LOC128462377: variants seen among roughly 807,000 people sequenced by gnomAD.
chr16:89,337,300 G>T, the LOC128462377 span, among the ~76,000 whole-genome samples: 4 of 151,848 alleles, frequency 2.6e-5, no homozygotes, highest in African/African-American at 9.7e-5. Flanking sequence ...ACTTCAGGTG[G>T]CTCGGAATCC....
At chr16:89,342,350 G>C in the LOC128462377 span, among the ~76,000 whole-genome samples, 1 of 152,266 alleles carries the variant, frequency 6.6e-6, no homozygotes, top group African/African-American at 2.4e-5. Context: ...CATTTCACCT[G>C]AGAGTCGGAA....
the LOC128462377 span, among the ~76,000 whole-genome samples, chr16:89,398,677 G>C: frequency 6.6e-6 from 1 of 152,176 alleles, no homozygotes; most frequent in Non-Finnish European, 1.5e-5. Flanking sequence ...GGGAGGTTGA[G>C]GCTGCAGTGA....
the LOC128462377 span, among the ~76,000 whole-genome samples, chr16:89,386,402 C>G: frequency 1.3e-5 from 2 of 152,282 alleles, no homozygotes; most frequent in East Asian, 3.9e-4. Flanking sequence ...GCTGCCCCAC[C>G]CTTTACCCAA....
the LOC128462377 span, among the ~76,000 whole-genome samples, chr16:89,377,209 G>C: frequency 3.0e-3 from 462 of 152,258 alleles, 6 homozygotes; most frequent in African/African-American, 0.01. Context: ...CTAGATCGGG[G>C]TCATAGGACC....
chr16:89,358,386 G>A, the LOC128462377 span, among the ~76,000 whole-genome samples: 1 of 152,202 alleles, frequency 6.6e-6, no homozygotes, highest in African/African-American at 2.4e-5. Context: ...ACAGCTTAGC[G>A]ACCACGTTTC....
the LOC128462377 span, among the ~76,000 whole-genome samples, chr16:89,364,911 G>A: frequency 6.6e-6 from 1 of 152,198 alleles, no homozygotes. Context: ...ATCGAATGCT[G>A]AATACCTGTG....
the LOC128462377 span, among the ~76,000 whole-genome samples, chr16:89,353,048 G>C: frequency 6.6e-6 from 1 of 152,180 alleles, no homozygotes; most frequent in Non-Finnish European, 1.5e-5. Flanking sequence ...ATTATAACAA[G>C]AGAAAGTAGG....
At chr16:89,413,792 G>A in the LOC128462377 span, among the ~76,000 whole-genome samples, 1 of 152,146 alleles carries the variant, frequency 6.6e-6, no homozygotes, top group African/African-American at 2.4e-5. Flanking sequence ...GAGGGTGCCA[G>A]GGAGACTCTG....
the LOC128462377 span, among the ~76,000 whole-genome samples, chr16:89,326,706 C>A: frequency 2.6e-5 from 4 of 152,176 alleles, no homozygotes; most frequent in African/African-American, 9.7e-5. Flanking sequence ...TGCACCACTG[C>A]ACTCCAACCT....
the LOC128462377 span, among the ~76,000 whole-genome samples, chr16:89,342,604 G>A: frequency 2.6e-5 from 4 of 152,200 alleles, no homozygotes; most frequent in African/African-American, 9.7e-5. Context: ...ATCTTTCTGA[G>A]GCATTATATG....
chr16:89,321,681 C>T, the LOC128462377 span, among the ~76,000 whole-genome samples: 1 of 151,760 alleles, frequency 6.6e-6, no homozygotes, highest in African/African-American at 2.4e-5. Flanking sequence ...TGTAATGACA[C>T]AACTAATCTT....
chr16:89,357,789 C>G, the LOC128462377 span, among the ~76,000 whole-genome samples: 1 of 152,336 alleles, frequency 6.6e-6, no homozygotes, highest in Middle Eastern at 3.4e-3. Context: ...TGGGAGGAAC[C>G]ACTGCTCATC....
the LOC128462377 span, among the ~76,000 whole-genome samples, chr16:89,408,340 A>C: frequency 2.3e-4 from 35 of 152,376 alleles, no homozygotes; most frequent in East Asian, 6.8e-3. Context: ...AAGAGGCGTG[A>C]AGCTGGCAAA....
the LOC128462377 span, among the ~76,000 whole-genome samples, chr16:89,387,747 A>T: frequency 6.6e-6 from 1 of 151,682 alleles, no homozygotes; most frequent in South Asian, 2.1e-4. Context: ...TTGCGCCTGT[A>T]ATCCCAACAC....
the LOC128462377 span, among the ~76,000 whole-genome samples, chr16:89,396,365 C>G: frequency 5.3e-5 from 8 of 152,270 alleles, no homozygotes; most frequent in African/African-American, 1.4e-4. Flanking sequence ...CACACACACG[C>G]GACGGAGCCG....
At chr16:89,326,391 C>T in the LOC128462377 span, among the ~76,000 whole-genome samples, 3 of 151,898 alleles carry the variant, frequency 2.0e-5, no homozygotes, top group Non-Finnish European at 2.9e-5. Context: ...CCCCCCACCC[C>T]GCTGCAGAAG....
chr16:89,325,469 T>TCTCTCA, the LOC128462377 span, among the ~76,000 whole-genome samples: 68 of 147,740 alleles, frequency 4.6e-4, no homozygotes, highest in Non-Finnish European at 2.7e-4. Flanking sequence ...TCTCTCTCTC[T>TCTCTCA]CACACACACA....
chr16:89,350,611 A>G, the LOC128462377 span, among the ~76,000 whole-genome samples: 1 of 152,230 alleles, frequency 6.6e-6, no homozygotes. Context: ...AGTGACCGAA[A>G]GCACATCAGC....
At chr16:89,343,179 C>T in the LOC128462377 span, among the ~76,000 whole-genome samples, 42 of 152,166 alleles carry the variant, frequency 2.8e-4, no homozygotes, top group African/African-American at 8.7e-4. Context: ...TTAGTGGAGA[C>T]GGGGTTTCAC....
Sources: gnomAD v4.1 joint callset for allele counts (sites outside exome capture counted in the v4.1 genomes callset) on GRCh38, gnomAD v4.1.1 for gene constraint, MANE v1.5 for transcripts.